The following CASK variants were observed in gnomAD, a reference collection of about 807,000 sequenced individuals.
CASK encodes the protein peripheral plasma membrane protein CASK.
Under a neutral mutation model 82.9 loss-of-function variants are expected in CASK, and 4 were observed. That is an observed-to-expected ratio of 0.05 (90% CI 0.02 to 0.11). The LOEUF is 0.11. CASK is among the 10% of genes least tolerant of loss of function. The probability of loss-of-function intolerance (pLI) is 1.00; values close to 1 mark genes in which losing one functional copy is unlikely to be tolerated. For missense variants in CASK, 358 were observed against 720.9 expected (o/e 0.50, Z 5.76); for synonymous variants, 259 against 253.5 (o/e 1.02, Z -0.20).
At chrX:41,847,796 C>T (rs1453933108) in intron 2 of CASK, among the ~76,000 whole-genome samples, 1 of 111,876 alleles carries the variant, frequency 8.9e-6, no homozygotes, top group Non-Finnish European at 1.9e-5. Flanking sequence ...TAAGTCTCTG[C>T]TTATTTAGTT....
rs978417728 is a variant in CASK, at chrX:41,706,890, G to C, written c.429+32494C>G. On this transcript the variant is annotated intron_variant, in intron 5 of 26. Coordinates refer to ENST00000378163, the MANE Select transcript of CASK (RefSeq NM_001367721.1). Reference sequence around the variant, plus strand: ...ACAACATGACAGCTCCAAGACCAAAGTGGGACAGGGTGGGTATCTCTCACA... The same window carrying C: ...ACAACATGACAGCTCCAAGACCAAACTGGGACAGGGTGGGTATCTCTCACA... 9.8e-5 allele frequency among the ~76,000 whole-genome samples: 11 copies of C among 112,008 alleles called. No individual in the cohort carries two copies. In the Admixed American group the frequency reaches 1.0e-3, roughly 11 times the overall value.
chrX:41,775,105 A>G (rs1193391184), intron 3 of CASK, among the ~76,000 whole-genome samples: 10 of 107,234 alleles, frequency 9.3e-5, no homozygotes, highest in African/African-American at 2.7e-4. Flanking sequence ...GCAACCTACA[A>G]CATGGGAGAA....
chrX:41,811,616 A>C (rs2070288878), intron 2 of CASK, among the ~76,000 whole-genome samples: 1 of 112,668 alleles, frequency 8.9e-6, no homozygotes, highest in Admixed American at 9.4e-5. Context: ...TATAGCACTA[A>C]ATGCCCACAA....
chrX:41,818,346 T>C (rs1395685060), intron 2 of CASK, among the ~76,000 whole-genome samples: 1 of 111,082 alleles, frequency 9.0e-6, no homozygotes, highest in Non-Finnish European at 1.9e-5. Context: ...CTCACACTTG[T>C]AATCCCAGCA....
intron 5 of CASK, chrX:41,696,676 G>A (rs1307779698): frequency 8.3e-7 from 1 of 1,207,004 alleles, no homozygotes; most frequent in Non-Finnish European, 1.1e-6. Flanking sequence ...CGATTTCAAG[G>A]TGAACCAAGT....
At chrX:41,552,200 G>T (rs915886146) in intron 21 of CASK, among the ~76,000 whole-genome samples, 1 of 109,538 alleles carries the variant, frequency 9.1e-6, no homozygotes, top group Non-Finnish European at 1.9e-5. Flanking sequence ...GCGTCCCAGA[G>T]TGCTAGGATT....
At chrX:41,699,840 TA>T (rs1178979166) in intron 5 of CASK, among the ~76,000 whole-genome samples, 1 of 111,556 alleles carries the variant, frequency 9.0e-6, no homozygotes, top group Non-Finnish European at 1.9e-5. Flanking sequence ...TCTAAATTTT[TA>T]GAAAAAATAT....
chrX:41,767,403 T>C (rs2069138449), intron 3 of CASK, among the ~76,000 whole-genome samples: 1 of 111,495 alleles, frequency 9.0e-6, no homozygotes, highest in African/African-American at 3.3e-5. Flanking sequence ...GTACAGAGAG[T>C]TCCTGTATAC....
intron 5 of CASK, among the ~76,000 whole-genome samples, chrX:41,715,195 C>G (rs954164922): frequency 3.6e-5 from 4 of 112,493 alleles, no homozygotes; most frequent in Non-Finnish European, 5.6e-5. Context: ...GACTCAGTGG[C>G]CTGGCCACAT....
intron 4 of CASK, among the ~76,000 whole-genome samples, chrX:41,741,312 TA>T (rs1247716275): frequency 8.9e-6 from 1 of 112,380 alleles, no homozygotes; most frequent in Non-Finnish European, 1.9e-5. Context: ...TTGTAAACTC[TA>T]AACCATGCTA....
intron 1 of CASK, among the ~76,000 whole-genome samples, chrX:41,890,759 C>T (rs2072151228): frequency 8.9e-6 from 1 of 112,045 alleles, no homozygotes; most frequent in African/African-American, 3.2e-5. Flanking sequence ...CTGCTCAATG[C>T]TGACAGGGTA....
intron 5 of CASK, among the ~76,000 whole-genome samples, chrX:41,709,475 T>C (rs1178639384): frequency 9.0e-6 from 1 of 111,641 alleles, no homozygotes; most frequent in Non-Finnish European, 1.9e-5. Context: ...TATTATCATA[T>C]ATTATGAGAG....
At chrX:41,633,063 A>G (rs1602381698) in intron 9 of CASK, among the ~76,000 whole-genome samples, 1 of 87,735 alleles carries the variant, frequency 1.1e-5, no homozygotes, top group East Asian at 2.9e-4. Context: ...AAAAAATAAT[A>G]ATAATAATAA....
chrX:41,643,844 C>G (rs2066706592), intron 8 of CASK, among the ~76,000 whole-genome samples: 1 of 111,864 alleles, frequency 8.9e-6, no homozygotes, highest in Non-Finnish European at 1.9e-5. Flanking sequence ...GCATTCCTGT[C>G]TTGTGCCAGT....
chrX:41,773,968 T>C (rs1200202680), intron 3 of CASK, among the ~76,000 whole-genome samples: 1 of 111,757 alleles, frequency 8.9e-6, no homozygotes, highest in African/African-American at 3.3e-5. Context: ...TATATAAAAG[T>C]ATTTTTCTTT....
intron 5 of CASK, among the ~76,000 whole-genome samples, chrX:41,737,164 G>T (rs1024031212): frequency 2.7e-5 from 3 of 111,869 alleles, no homozygotes; most frequent in Non-Finnish European, 5.6e-5. Context: ...TCTTGCTGGA[G>T]ATAGGGCCAC....
chrX:41,858,411 A>T (rs2071412914), intron 1 of CASK, among the ~76,000 whole-genome samples: 1 of 111,972 alleles, frequency 8.9e-6, no homozygotes, highest in African/African-American at 3.2e-5. Flanking sequence ...TCTTAATTTC[A>T]CCCTACAGCA....
At chrX:41,882,516 T>C (rs1355265386) in intron 1 of CASK, among the ~76,000 whole-genome samples, 1 of 111,782 alleles carries the variant, frequency 8.9e-6, no homozygotes, top group African/African-American at 3.3e-5. Context: ...TTTAAGAATA[T>C]ATAAGATAAG....
intron 15 of CASK, chrX:41,570,877 G>C (rs1450856075): frequency 9.0e-6 from 1 of 111,532 alleles, no homozygotes; most frequent in Non-Finnish European, 1.9e-5. Flanking sequence ...AAGTAAAGCT[G>C]TATTCCTGGG....
Sources: allele counts gnomAD v4.1 joint callset (sites outside exome capture counted in the v4.1 genomes callset), GRCh38; gene constraint gnomAD v4.1.1; transcripts MANE v1.5; gene names NCBI Gene and HGNC (gene_info 2026-07-23, HGNC 2026-07-21).